CDRT4: variants seen among roughly 807,000 people sequenced by gnomAD.
CDRT4 encodes CMT1A duplicated region transcript 4 protein.
For missense variants in CDRT4, 167 were observed against 193.1 expected, an observed-to-expected ratio of 0.87 and a Z score of 0.80; for synonymous variants, 64 against 69.6, an observed-to-expected ratio of 0.92 and a Z score of 0.40.
chr17:15,461,904 G>C (rs530414756), intron 1 of CDRT4, among the ~76,000 whole-genome samples: 2 of 152,278 alleles, frequency 1.3e-5, no homozygotes, highest in East Asian at 3.9e-4. Context: ...AAAGGACAAA[G>C]TAGTATGTAG....
chr17:15,463,573 C>T (rs771651824), intron 1 of CDRT4, among the ~76,000 whole-genome samples: 8 of 152,198 alleles, frequency 5.3e-5, no homozygotes, highest in Non-Finnish European at 1.2e-4. Flanking sequence ...TTCAGCTAGG[C>T]ACTCACTGTA....
At chr17:15,444,128 C>G in intron 2 of CDRT4, 1 of 1,289,690 alleles carries the variant, frequency 7.8e-7, no homozygotes. Context: ...ACAAGGCAAT[C>G]AGGAAATTTT....
intron 2 of CDRT4, among the ~76,000 whole-genome samples, chr17:15,448,199 T>C (rs1470336641): frequency 1.3e-5 from 2 of 152,114 alleles, no homozygotes; most frequent in Non-Finnish European, 2.9e-5. Flanking sequence ...TCCAGGCCAG[T>C]GTTGTTTTGA....
intron 1 of CDRT4, among the ~76,000 whole-genome samples, chr17:15,459,439 C>CTTTTTTTTTTTTT (rs35161691): frequency 1.7e-4 from 18 of 107,506 alleles, no homozygotes; most frequent in South Asian, 3.7e-4. Flanking sequence ...CTTTTTTTTT[C>CTTTTTTTTTTTTT]TTTTTTTTTT....
intron 1 of CDRT4, among the ~76,000 whole-genome samples, chr17:15,461,798 T>C (rs1222224815): frequency 2.0e-5 from 3 of 152,202 alleles, no homozygotes; most frequent in Non-Finnish European, 4.4e-5. Flanking sequence ...ATAAAAGGTA[T>C]CAGTAGGTAC....
intron 1 of CDRT4, among the ~76,000 whole-genome samples, chr17:15,454,439 GA>G (rs1979394955): frequency 6.6e-6 from 1 of 152,134 alleles, no homozygotes; most frequent in Non-Finnish European, 1.5e-5. Context: ...ACTGGCATGA[GA>G]AAGAGTCTAC....
chr17:15,448,853 G>A lies in CDRT4; in HGVS notation c.-48+4151C>T, dbSNP rs56947511. Among the ~76,000 whole-genome samples the A allele has an allele frequency of 3.0e-3, 461 of 152,234 alleles. 3 individuals are homozygous for A. The highest frequency in any genetic ancestry group is 0.011 in the African/African-American group (447 of 41,530). On this transcript the variant is annotated intron_variant, in intron 2 of 3. Transcript: ENST00000619038. Reference sequence around the variant, plus strand: ...CCCCAGGCACACTGTCCTCCTTTGCGCTGTTCCCTGTCATCACCGTGGCTT... The same window carrying A: ...CCCCAGGCACACTGTCCTCCTTTGCACTGTTCCCTGTCATCACCGTGGCTT...
At chr17:15,459,016 A>G (rs1316413138) in intron 1 of CDRT4, among the ~76,000 whole-genome samples, 2 of 152,224 alleles carry the variant, frequency 1.3e-5, no homozygotes, top group African/African-American at 4.8e-5. Flanking sequence ...TTGGTAATAA[A>G]GAAAATCTGC....
At chr17:15,448,754 C>G (rs374084229) in intron 2 of CDRT4, among the ~76,000 whole-genome samples, 1 of 152,172 alleles carries the variant, frequency 6.6e-6, no homozygotes, top group Non-Finnish European at 1.5e-5. Flanking sequence ...CCAGGCTACA[C>G]CACCACCTCA....
At chr17:15,452,716 T>TTCAAA (rs1190567509) in intron 2 of CDRT4, 1 of 152,256 alleles carries the variant, frequency 6.6e-6, no homozygotes, top group Non-Finnish European at 1.5e-5. Context: ...ACGGCTCCAG[T>TTCAAA]GATACTTCTT....
chr17:15,447,598 C>G (rs1979084474), intron 2 of CDRT4, among the ~76,000 whole-genome samples: 1 of 152,192 alleles, frequency 6.6e-6, no homozygotes, highest in South Asian at 2.1e-4. Context: ...GCACTGTATA[C>G]TTATCAGGTA....
chr17:15,463,647 C>A (rs1032239918), intron 1 of CDRT4, among the ~76,000 whole-genome samples: 3 of 152,192 alleles, frequency 2.0e-5, no homozygotes, highest in African/African-American at 7.2e-5. Flanking sequence ...CCTCTGTGAG[C>A]CATGAAGCTG....
At chr17:15,466,064 G>C (rs1445730797) in intron 1 of CDRT4, among the ~76,000 whole-genome samples, 1 of 151,910 alleles carries the variant, frequency 6.6e-6, no homozygotes, top group African/African-American at 2.4e-5. Flanking sequence ...GGAAAGGGAG[G>C]GGGAGGGAGG....
intron 2 of CDRT4, among the ~76,000 whole-genome samples, chr17:15,451,610 T>A (rs1979267679): frequency 6.6e-6 from 1 of 152,110 alleles, no homozygotes; most frequent in African/African-American, 2.4e-5. Flanking sequence ...TGGCCTTGCC[T>A]CTCTTCTTTA....
chr17:15,465,304 AAC>A (rs780076722), intron 1 of CDRT4, among the ~76,000 whole-genome samples: 7 of 146,372 alleles, frequency 4.8e-5, no homozygotes, highest in South Asian at 2.3e-4. Context: ...CAGACACACC[AAC>A]ACACAGACAC....
Position 15,436,479 on chromosome 17 carries a change from C to A in CDRT4, c.*1294G>T, listed in dbSNP as rs184146756. 6.6e-6 allele frequency: 1 copy of A among 152,320 alleles called. No homozygotes were observed. The highest frequency in any genetic ancestry group is 1.9e-4 in the East Asian group (1 of 5,182). The allele number at this position is 152,320 out of a possible 1,614,324, so 9.4% of individuals were successfully genotyped here. A position where few individuals can be genotyped will look rare whatever the true frequency, so the allele number is the denominator to read the frequency against. The stretch of plus-strand genomic sequence containing the variant: ...CTGGGTCAGCCTGTCATAATTGGAT[C>A]CCTCTTGCATGTAAAGACAAAGGTT... On this transcript the variant is annotated 3_prime_UTR_variant, in exon 4 of 4. Transcript: ENST00000619038.
In CDRT4 at chr17:15,439,092, T is replaced by C. The variant is rs114551558; in HGVS notation, c.32-892A>G. 667 of 455,982 alleles carry C rather than the reference T, an allele frequency of 1.5e-3. 2 individuals carry two copies. Among genetic ancestry groups the C allele is most frequent in the African/African-American group, 0.012 (612 of 50,170 alleles). The allele number at this position is 455,982 out of a possible 1,614,324, so 28.2% of individuals were successfully genotyped here. On this transcript the variant is annotated intron_variant, in intron 3 of 3. Coordinates refer to ENST00000619038, the MANE Select transcript of CDRT4 (RefSeq NM_001204477.2). ...CATGTCAGTCCTTCCCATCTTTCATTAGCAACGTCACTCTATTTAGCAGAA... is the reference window on the plus strand; with the variant it reads ...CATGTCAGTCCTTCCCATCTTTCATCAGCAACGTCACTCTATTTAGCAGAA...
Position 15,440,195 on chromosome 17 carries a change from C to T in CDRT4, c.31+13G>A, listed in dbSNP as rs753341242. 1 of 1,613,474 alleles carries T rather than the reference C, an allele frequency of 6.2e-7. No individual in the cohort carries two copies. The highest frequency in any genetic ancestry group is 1.7e-5 in the Admixed American group (1 of 60,000). On this transcript the variant is annotated intron_variant, in intron 3 of 3. Transcript: ENST00000619038. ...AGTGCAGGAGCTTCCACTGGTAACA[C>T]TCCCAACCCTACCTTCTTCTTTCTT...
intron 2 of CDRT4, among the ~76,000 whole-genome samples, chr17:15,448,811 G>T (rs1013563347): frequency 1.3e-5 from 2 of 152,114 alleles, no homozygotes; most frequent in Non-Finnish European, 2.9e-5. Flanking sequence ...CTGCCCCTCA[G>T]TCCCTGACAA....
Sources: allele counts gnomAD v4.1 joint callset (sites outside exome capture counted in the v4.1 genomes callset), GRCh38; gene constraint gnomAD v4.1.1; transcripts MANE v1.5; gene names NCBI Gene and HGNC (gene_info 2026-07-23, HGNC 2026-07-21).